Variants in PTPN21 observed in about 807,000 individuals in gnomAD.
PTPN21 encodes tyrosine-protein phosphatase non-receptor type 21.
In PTPN21, 77 loss-of-function variants were observed where a neutral mutation model predicts 131.8. The observed-to-expected ratio is 0.58, with a 90% CI of 0.49 to 0.71. The LOEUF is 0.71. PTPN21 is among the 30% of genes least tolerant of loss of function. PTPN21 has a pLI of 0.00. For missense variants in PTPN21, 1,552 were observed against 1,527.1 expected, an observed-to-expected ratio of 1.02 and a Z score of -0.27; for synonymous variants, 715 against 621.3, an observed-to-expected ratio of 1.15 and a Z score of -2.24.
chr14:88,468,259 C>A lies in PTPN21; in HGVS notation c.3403G>T (p.Asp1135Tyr). 1 of 1,599,698 alleles carries A rather than the reference C, an allele frequency of 6.3e-7. No individual in the cohort carries two copies. The highest frequency in any genetic ancestry group is 8.5e-7 in the Non-Finnish European group (1 of 1,173,968). The change falls in exon 19 of 19, where the codon GAC (aspartate) becomes TAC (tyrosine). Residue 1135 changes from aspartate (D) to tyrosine (Y), a missense_variant. Asp to Tyr is a radical substitution (Grantham distance 160). Coordinates refer to ENST00000556564, the MANE Select transcript of PTPN21 (RefSeq NM_007039.4). ...AGCATGTCCAGCACTCTCGGGATGT[C>A]CAGCACCTAGGTTGAGAGAAACGGT... ...IACLEHNEVL[D>Y]IPRVLDMLRQ...
chr14:88,523,555 T>A (rs2078430600), intron 2 of PTPN21, among the ~76,000 whole-genome samples: 1 of 152,134 alleles, frequency 6.6e-6, no homozygotes, highest in Non-Finnish European at 1.5e-5. Context: ...AGGATGCCCA[T>A]GTTCACCACT....
At chr14:88,539,674 C>G (rs962776552) in intron 2 of PTPN21, among the ~76,000 whole-genome samples, 1 of 152,182 alleles carries the variant, frequency 6.6e-6, no homozygotes, top group Non-Finnish European at 1.5e-5. Context: ...AAAACAAGAG[C>G]TGGAAGACCT....
chr14:88,524,981 A>G (rs191084553), intron 2 of PTPN21, among the ~76,000 whole-genome samples: 1 of 152,290 alleles, frequency 6.6e-6, no homozygotes, highest in Non-Finnish European at 1.5e-5. Flanking sequence ...GGTCACTTAT[A>G]GCTGTAAACC....
Position 88,467,965 on chromosome 14 carries a change from G to T in PTPN21, c.*172C>A. On this transcript the variant is annotated 3_prime_UTR_variant, in exon 19 of 19. Coordinates refer to ENST00000556564, the MANE Select transcript of PTPN21 (RefSeq NM_007039.4). ...TTCCCAGGTTAGAAACCCCTCTTCAGCCTGTGCTTCGCACGTTTCCTTCAG... is the reference window on the plus strand; with the variant it reads ...TTCCCAGGTTAGAAACCCCTCTTCATCCTGTGCTTCGCACGTTTCCTTCAG... 1.1e-6 allele frequency: 1 copy of T among 873,002 alleles called. No individual in the cohort carries two copies. The highest frequency in any genetic ancestry group is 1.8e-6 in the Non-Finnish European group (1 of 548,472). 54.1% of individuals were successfully genotyped at this position (873,002 alleles called of 1,614,324 possible).
intron 13 of PTPN21, among the ~76,000 whole-genome samples, chr14:88,474,186 A>G (rs1174880015): frequency 7.0e-6 from 1 of 143,464 alleles, no homozygotes; most frequent in Non-Finnish European, 1.5e-5. Context: ...AATTGACTAT[A>G]GTAAGCTTTT....
chr14:88,489,027 C>A (rs958103393), intron 10 of PTPN21, among the ~76,000 whole-genome samples: 1 of 152,054 alleles, frequency 6.6e-6, no homozygotes, highest in African/African-American at 2.4e-5. Context: ...ACATGGCAAA[C>A]AAGTAGTAGA....
In PTPN21 at chr14:88,468,858, C is replaced by T. The variant is rs79627346; in HGVS notation, c.3396+58G>A. 4,680 of 1,607,782 alleles carry T rather than the reference C, an allele frequency of 2.9e-3. 126 individuals are homozygous for T. The African/African-American group carries it at 0.053, about 18-fold the overall frequency. On this transcript the variant is annotated intron_variant, in intron 18 of 18. Coordinates refer to ENST00000556564, the MANE Select transcript of PTPN21 (RefSeq NM_007039.4). ...AAAGAGCTATTAAGTCACTATGTCC[C>T]TCTCTTCCCCAGCCTCATTTCCACC...
At chr14:88,552,098 G>T (rs1039255815) in intron 1 of PTPN21, 10 of 152,190 alleles carry the variant, frequency 6.6e-5, no homozygotes, top group Non-Finnish European at 1.5e-4. Context: ...ATCTATTCCC[G>T]ACCCTCTCAT....
Position 88,478,981 on chromosome 14 carries a change from CT to C in PTPN21, c.2449del (p.Arg817GlyfsTer20). Reference protein sequence around the residue: ...YRARRDSLKKRPVSDLLSGKK... With the variant: ...YRARRDSLKKXPVSDLLSGKK... Reference sequence around the variant, plus strand: ...CCCAGAGAGAAGGTCCGACACCGGCCTTTTCTTCAGAGAGTCCCTCCGGGCT... The same window carrying C: ...CCCAGAGAGAAGGTCCGACACCGGCCTTTCTTCAGAGAGTCCCTCCGGGCT... On this transcript the variant is annotated frameshift_variant, in exon 13 of 19. Coordinates refer to ENST00000556564, the MANE Select transcript of PTPN21 (RefSeq NM_007039.4). LOFTEE classifies it high-confidence loss of function. The C allele has an allele frequency of 6.3e-7, 1 of 1,576,902 alleles. No homozygotes were observed. The highest frequency in any genetic ancestry group is 8.6e-7 in the Non-Finnish European group (1 of 1,162,968).
At chr14:88,474,029 G>C (rs1378793824) in intron 13 of PTPN21, 1 of 323,168 alleles carries the variant, frequency 3.1e-6, no homozygotes, top group African/African-American at 2.3e-5. Context: ...AGAAGGTTTT[G>C]AAACACTATT....
rs1482101565 is a variant in PTPN21 at position 88,479,616 on chromosome 14, C to T, written c.1815G>A (p.Thr605=). ...ITRRVHHSVQ[T]FQEDSLPVAH... ...CCACGGGCAGGCTGTCCTCCTGGAA[C>T]GTTTGCACCGAGTGGTGCACGCGCC... is the stretch of plus-strand genomic sequence containing the variant. Residue 605 remains threonine, a synonymous_variant, in exon 13 of 19, where the codon ACG becomes ACA. Transcript: ENST00000556564. 1.3e-6 allele frequency: 2 copies of T among 1,577,648 alleles called. No homozygotes were observed. Among genetic ancestry groups the T allele is most frequent in the Non-Finnish European group, 1.7e-6 (2 of 1,167,530 alleles).
At position 88,468,901 on chromosome 14, in the gene PTPN21, C is replaced by T; in HGVS notation, c.3396+15G>A. 6.2e-7 allele frequency: 1 copy of T among 1,613,868 alleles called. No individual in the cohort carries two copies. ...TTTCCACCCAAAAAGGCCAGGTGAT[C>T]ATAAGCGCCATCACCTCATTGTGTT... is the stretch of plus-strand genomic sequence containing the variant. On this transcript the variant is annotated intron_variant, in intron 18 of 18. Transcript: ENST00000556564.
chr14:88,548,011 C>A (rs1316726163), intron 2 of PTPN21, among the ~76,000 whole-genome samples: 2 of 152,106 alleles, frequency 1.3e-5, no homozygotes, highest in African/African-American at 4.8e-5. Flanking sequence ...CCTAATAGAT[C>A]TGCACTTCCT....
intron 6 of PTPN21, 80 bp downstream of exon 6, chr14:88,504,345 A>G: frequency 8.8e-7 from 1 of 1,132,572 alleles, no homozygotes; most frequent in Non-Finnish European, 1.3e-6. Flanking sequence ...AATCATGTAA[A>G]TTAAATATTT....
intron 14 of PTPN21, among the ~76,000 whole-genome samples, chr14:88,472,872 T>G (rs2077492652): frequency 6.6e-6 from 1 of 152,096 alleles, no homozygotes; most frequent in East Asian, 1.9e-4. Context: ...AACAAAATTC[T>G]AGGTGAAAAT....
chr14:88,478,858 G>C, intron 13 of PTPN21, 62 bp downstream of exon 13: 4 of 1,185,256 alleles, frequency 3.4e-6, no homozygotes, highest in Non-Finnish European at 3.4e-6. Context: ...CGTGATGAGT[G>C]AAAGAAGCGC....
At chr14:88,483,377 A>G (rs1410638179) in intron 12 of PTPN21, among the ~76,000 whole-genome samples, 3 of 152,068 alleles carry the variant, frequency 2.0e-5, no homozygotes, top group Non-Finnish European at 4.4e-5. Flanking sequence ...TGGAAGTGGG[A>G]GGGGCCGGGA....
chr14:88,497,727 C>T (rs902165594), intron 8 of PTPN21, among the ~76,000 whole-genome samples: 16 of 150,156 alleles, frequency 1.1e-4, no homozygotes, highest in African/African-American at 3.4e-4. Context: ...TGCAGTGAGC[C>T]GAGATCGCAC....
intron 2 of PTPN21, among the ~76,000 whole-genome samples, chr14:88,533,454 C>A (rs562801050): frequency 6.6e-6 from 1 of 152,192 alleles, no homozygotes; most frequent in Non-Finnish European, 1.5e-5. Flanking sequence ...ACAAACCTAT[C>A]GTGCTACCAA....
Sources: allele counts gnomAD v4.1 joint callset (sites outside exome capture counted in the v4.1 genomes callset), GRCh38; gene constraint gnomAD v4.1.1; transcripts MANE v1.5; gene names NCBI Gene and HGNC (gene_info 2026-07-23, HGNC 2026-07-21).